Variants in BCL11B observed in about 807,000 individuals in gnomAD.
BCL11B encodes the protein BCL11 transcription factor B.
BCL11B carries 8 observed loss-of-function variants against 49.9 expected under a neutral mutation model. That is an observed-to-expected ratio of 0.16 (90% CI 0.09 to 0.29). BCL11B has a LOEUF of 0.29. Among genes scored for constraint, BCL11B ranks in the 10% least tolerant of loss-of-function variants. The probability of loss-of-function intolerance (pLI) is 1.00; values close to 1 mark genes in which losing one functional copy is unlikely to be tolerated. For missense variants in BCL11B, 1,006 were observed against 1,351.0 expected (o/e 0.74, Z 4.00); for synonymous variants, 739 against 637.4 (o/e 1.16, Z -2.40).
intron 3 of BCL11B, among the ~76,000 whole-genome samples, chr14:99,229,658 G>A (rs1888271063): frequency 6.6e-6 from 1 of 152,202 alleles, no homozygotes; most frequent in African/African-American, 2.4e-5. Context: ...CAACTTCTAA[G>A]TAGGGCCAAC....
chr14:99,177,592 A>G (rs1312324501), intron 3 of BCL11B, among the ~76,000 whole-genome samples: 3 of 146,898 alleles, frequency 2.0e-5, no homozygotes, highest in Non-Finnish European at 4.5e-5. Flanking sequence ...GATCCAGCAG[A>G]AGACATGGCA....
rs1222034948 is a variant in BCL11B at position 99,260,072 on chromosome 14, G to A, written c.59-2233C>T. ...CTTTAGAAATATAAGGATGTATTGT[G>A]CGCCATTTTTACAGAAGGTGCTCTA... On this transcript the variant is annotated intron_variant, in intron 1 of 3. Coordinates refer to ENST00000357195, the MANE Select transcript of BCL11B (RefSeq NM_138576.4). Among the ~76,000 whole-genome samples the A allele has an allele frequency of 2.6e-5, 4 of 152,298 alleles. No individual in the cohort carries two copies. The East Asian group carries it at 5.8e-4, about 22-fold the overall frequency.
intron 1 of BCL11B, among the ~76,000 whole-genome samples, chr14:99,263,681 C>T (rs1183669798): frequency 6.6e-6 from 1 of 152,150 alleles, no homozygotes; most frequent in South Asian, 2.1e-4. Flanking sequence ...GGAGTCCAAC[C>T]GCCTTCTCTC....
rs577735121 is a variant in BCL11B at position 99,238,690 on chromosome 14, C to CG, written c.428-7134dup. Among the ~76,000 whole-genome samples, 34 of 152,256 alleles carry CG rather than the reference C, an allele frequency of 2.2e-4. No homozygotes were observed. The South Asian group carries it at 6.8e-3, about 31-fold the overall frequency. On this transcript the variant is annotated intron_variant, in intron 2 of 3. Transcript: ENST00000357195. ...TTGGACTCTTCTTTTGCTTGTCTCT[C>CG]GGGGAAAATCCTGCAGTGTTCCGAA...
chr14:99,259,355 C>T (rs1889271530), intron 1 of BCL11B, among the ~76,000 whole-genome samples: 1 of 152,202 alleles, frequency 6.6e-6, no homozygotes, highest in African/African-American at 2.4e-5. Flanking sequence ...TCCCATCCTA[C>T]ACATAAATCA....
Position 99,231,416 on chromosome 14 carries a change from G to C in BCL11B, c.569C>G (p.Pro190Arg), listed in dbSNP as rs765692050. 6.3e-7 allele frequency: 1 copy of C among 1,596,702 alleles called. No homozygotes were observed. Among genetic ancestry groups the C allele is most frequent in the Non-Finnish European group, 8.5e-7 (1 of 1,171,288 alleles). Residue 190 changes from proline (P) to arginine (R), a missense_variant, in exon 3 of 4, where the codon CCG becomes CGG. Around this residue, in one of 6 missense-constraint regions of BCL11B, gnomAD observed 411 missense variants for 542.2 expected, o/e 0.76. Transcript: ENST00000357195. The surrounding 1 kb of genome is among the most constrained non-coding windows in gnomAD (Gnocchi z 8.1). ...CLPLPCCSAR[P>R]VSGDGTQGEG... Reference sequence around the variant, plus strand: ...ACCCTGAGTCCCGTCACCCGAGACCGGGCGCGCGCTGCAGCACGGCAGGGG... The same window carrying C: ...ACCCTGAGTCCCGTCACCCGAGACCCGGCGCGCGCTGCAGCACGGCAGGGG...
chr14:99,249,010 G>T (rs1420763901), intron 2 of BCL11B, among the ~76,000 whole-genome samples: 1 of 152,144 alleles, frequency 6.6e-6, no homozygotes, highest in Non-Finnish European at 1.5e-5. Flanking sequence ...CGAGGTGGGG[G>T]CCAGCTCCTC....
Position 99,200,366 on chromosome 14 carries a change from G to A in BCL11B, c.641-24171C>T, listed in dbSNP as rs554692692. ...ATTCCCACTCACAAAGCCCAGGGCC[G>A]TGCCAGGCCAAGTGCCAAGAAGCCA... On this transcript the variant is annotated intron_variant, in intron 3 of 3. Coordinates refer to ENST00000357195, the MANE Select transcript of BCL11B (RefSeq NM_138576.4). Among the ~76,000 whole-genome samples the A allele has an allele frequency of 7.2e-5, 11 of 152,342 alleles. 1 individual carries two copies. The highest frequency in any genetic ancestry group is 4.1e-4 in the South Asian group (2 of 4,832).
chr14:99,193,524 C>T (rs1344739156), intron 3 of BCL11B, among the ~76,000 whole-genome samples: 1 of 152,090 alleles, frequency 6.6e-6, no homozygotes, highest in Non-Finnish European at 1.5e-5. Context: ...CTTGGTACAA[C>T]ATGCCGGAGA....
At chr14:99,176,678 C>T (rs1886544049) in intron 3 of BCL11B, among the ~76,000 whole-genome samples, 1 of 152,076 alleles carries the variant, frequency 6.6e-6, no homozygotes, top group African/African-American at 2.4e-5. Context: ...ATTCTTTGGG[C>T]GGTGGGGGCT....
chr14:99,212,760 G>C (rs1887724345), intron 3 of BCL11B, among the ~76,000 whole-genome samples: 2 of 152,186 alleles, frequency 1.3e-5, no homozygotes, highest in South Asian at 4.1e-4. Context: ...CTGTGACCCA[G>C]GCCCTGACAG....
At position 99,172,632 on chromosome 14, in the gene BCL11B, G is replaced by A. The variant is rs1453630449; in HGVS notation, c.*1519C>T. 2 of 214,166 alleles carry A rather than the reference G, an allele frequency of 9.3e-6. No homozygotes were observed. Among genetic ancestry groups the A allele is most frequent in the Admixed American group, 1.2e-4 (2 of 17,096 alleles). 13.3% of individuals were successfully genotyped at this position (214,166 alleles called of 1,614,324 possible). A position where few individuals can be genotyped will look rare whatever the true frequency, so the allele number is the denominator to read the frequency against. ...TTTTGTTCTTTATAGTGCCAGTATT[G>A]TGAATGCCACGCTTAGCAATACTGA... On this transcript the variant is annotated 3_prime_UTR_variant, in exon 4 of 4. Coordinates refer to ENST00000357195, the MANE Select transcript of BCL11B (RefSeq NM_138576.4).
At chr14:99,198,603 C>G (rs1296805865) in intron 3 of BCL11B, among the ~76,000 whole-genome samples, 2 of 152,158 alleles carry the variant, frequency 1.3e-5, no homozygotes, top group African/African-American at 4.8e-5. Flanking sequence ...AGGCCGTGGT[C>G]CTGGAAGTAG....
intron 3 of BCL11B, among the ~76,000 whole-genome samples, chr14:99,211,804 T>C (rs1367026599): frequency 6.6e-6 from 1 of 152,246 alleles, no homozygotes; most frequent in Non-Finnish European, 1.5e-5. Flanking sequence ...TCCTCGGTTC[T>C]AAACTTGTGT....
rs748180529 is a variant in BCL11B, at chr14:99,176,020, C to T, written c.816G>A (p.Glu272=). ...TCATGAGCGGGGACTGCGCCACGGC[C>T]TCCGGCCCGAGCGGCGGCGGGATGG... The part of the protein sequence containing the change: ...RLTIPPPLGP[E]AVAQSPLMNF... Residue 272 remains glutamate (E), a synonymous_variant, in exon 4 of 4, where the codon GAG becomes GAA. Transcript: ENST00000357195. 1.1e-5 allele frequency: 17 copies of T among 1,573,442 alleles called. No homozygotes were observed. Among genetic ancestry groups the T allele is most frequent in the Admixed American group, 7.3e-5 (4 of 54,640 alleles).
chr14:99,183,916 C>A (rs1369606477), intron 3 of BCL11B, among the ~76,000 whole-genome samples: 1 of 152,090 alleles, frequency 6.6e-6, no homozygotes, highest in East Asian at 1.9e-4. Context: ...CCCAGCACTG[C>A]CCCCACCCCG....
At position 99,170,166 on chromosome 14, in the gene BCL11B, T is replaced by A. The variant is rs963186277; in HGVS notation, c.*3985A>T. ...CCCTGGAGGCACTCTAGGACCTCAG[T>A]GGGGCATCCAAAGGCAACAGCAGCC... On this transcript the variant is annotated 3_prime_UTR_variant, in exon 4 of 4. Coordinates refer to ENST00000357195, the MANE Select transcript of BCL11B (RefSeq NM_138576.4). The A allele has an allele frequency of 4.5e-6, 1 of 224,478 alleles. No individual in the cohort carries two copies. The highest frequency in any genetic ancestry group is 2.2e-5 in the African/African-American group (1 of 44,832). 13.9% of individuals were successfully genotyped at this position (224,478 alleles called of 1,614,324 possible).
chr14:99,214,446 T>C (rs921319780), intron 3 of BCL11B, among the ~76,000 whole-genome samples: 1 of 151,728 alleles, frequency 6.6e-6, no homozygotes, highest in Admixed American at 6.6e-5. Context: ...TAATCCCAGC[T>C]ACTTAGGAGG....
rs1888056072 is a variant in BCL11B at position 99,222,965 on chromosome 14, C to A, written c.640+8380G>T. ...AATGTAATACAACATTTTCAAGTTTCACAATGAGCGTTTGACATAAATAAT... is the reference window on the plus strand; with the variant it reads ...AATGTAATACAACATTTTCAAGTTTAACAATGAGCGTTTGACATAAATAAT... On this transcript the variant is annotated intron_variant, in intron 3 of 3. Transcript: ENST00000357195. Among the ~76,000 whole-genome samples the A allele has an allele frequency of 2.0e-5, 3 of 151,954 alleles. No individual in the cohort carries two copies. In the South Asian group the frequency reaches 6.2e-4, roughly 31 times the overall value.
Sources: allele counts gnomAD v4.1 joint callset (sites outside exome capture counted in the v4.1 genomes callset), GRCh38; gene constraint gnomAD v4.1.1; regional missense constraint gnomAD v4.1.1; non-coding constraint Gnocchi (gnomAD v3.1); transcripts MANE v1.5; gene names NCBI Gene and HGNC (gene_info 2026-07-23, HGNC 2026-07-21).